IGDCC4: variants seen among roughly 807,000 people sequenced by gnomAD.
IGDCC4 encodes the protein immunoglobulin superfamily DCC subclass member 4.
IGDCC4 carries 72 observed loss-of-function variants against 116.6 expected under a neutral mutation model. That is an observed-to-expected ratio of 0.62 (90% CI 0.51 to 0.75). The LOEUF (loss-of-function observed/expected upper bound fraction) is 0.75, where lower values mean the gene tolerates loss of function less well. Ranked by LOEUF, IGDCC4 falls within the 30% of genes least tolerant of loss-of-function variation. IGDCC4 has a pLI of 0.00. For synonymous variants in IGDCC4, 709 were observed against 719.9 expected (o/e 0.98, Z 0.24); for missense variants, 1,501 against 1,662.4 (o/e 0.90, Z 1.69).
chr15:65,395,176 A>T lies in IGDCC4; in HGVS notation c.1494T>A (p.Asp498Glu). 1 of 1,613,908 alleles carries T rather than the reference A, an allele frequency of 6.2e-7. No individual in the cohort carries two copies. Among genetic ancestry groups the T allele is most frequent in the Non-Finnish European group, 8.5e-7 (1 of 1,179,910 alleles). Reference sequence around the variant, plus strand: ...AGTAGGCCACCACGTAGAACTCATAATCTGTGTTGGGTTCCAGGTCCCGAA... The same window carrying T: ...AGTAGGCCACCACGTAGAACTCATATTCTGTGTTGGGTTCCAGGTCCCGAA... ...LQVRDLEPNT[D>E]YEFYVVAYSQ... The change falls in exon 8 of 20, where the codon GAT (aspartate) becomes GAA (glutamate). Residue 498 changes from aspartate (D) to glutamate (E), a missense_variant. This residue lies in a region of IGDCC4 where 898 missense variants were observed against 978.9 expected (regional missense o/e 0.92). Coordinates refer to ENST00000352385, the MANE Select transcript of IGDCC4 (RefSeq NM_020962.3).
chr15:65,384,867 A>G lies in IGDCC4; in HGVS notation c.3342+87T>C. The G allele has an allele frequency of 1.3e-6, 2 of 1,490,400 alleles. No individual in the cohort carries two copies. The highest frequency in any genetic ancestry group is 1.8e-4 in the Middle Eastern group (1 of 5,600). 92.3% of individuals were successfully genotyped at this position (1,490,400 alleles called of 1,614,324 possible). A position where few individuals can be genotyped will look rare whatever the true frequency, so the allele number is the denominator to read the frequency against. ...TCTATCCCCAGGAAAGTTACCACCC[A>G]GGGGTCTCCAGAGAACTCATTACTT... is the stretch of plus-strand genomic sequence containing the variant. On this transcript the variant is annotated intron_variant, in intron 19 of 19. Coordinates refer to ENST00000352385, the MANE Select transcript of IGDCC4 (RefSeq NM_020962.3). This position sits in a 1 kb window ranked among gnomAD's most constrained non-coding sequence, Gnocchi z 4.9.
At chr15:65,405,140 G>GGGA (rs59427953) in intron 3 of IGDCC4, among the ~76,000 whole-genome samples, 59 of 131,928 alleles carry the variant, frequency 4.5e-4, no homozygotes, top group African/African-American at 1.5e-3. Context: ...GGGGGGGGGG[G>GGGA]AGTAAAAAAA....
rs868064523 is a variant in IGDCC4, at chr15:65,384,068, G to C, written c.3694C>G (p.Pro1232Ala). 3 of 1,613,286 alleles carry C rather than the reference G, an allele frequency of 1.9e-6. No individual in the cohort carries two copies. Among genetic ancestry groups the C allele is most frequent in the Non-Finnish European group, 2.5e-6 (3 of 1,179,562 alleles). ...TPGDSCQLKS[P>A]CPLGASPGLP... ...CCTGGGCTGGCTCCTAGAGGGCAGG[G>C]GGATTTGAGCTGGCAGCTATCTCCA... The change falls in exon 20 of 20, where the codon CCC becomes GCC. Residue 1232 changes from proline (P) to alanine (A), a missense_variant. Coordinates refer to ENST00000352385, the MANE Select transcript of IGDCC4 (RefSeq NM_020962.3). This position sits in a 1 kb window ranked among gnomAD's most constrained non-coding sequence, Gnocchi z 4.9.
chr15:65,396,021 G>T lies in IGDCC4; in HGVS notation c.1140C>A (p.Arg380=), dbSNP rs755046455. 23 of 1,495,786 alleles carry T rather than the reference G, an allele frequency of 1.5e-5. No homozygotes were observed. In the South Asian group the frequency reaches 2.6e-4, roughly 17 times the overall value. The allele number at this position is 1,495,786 out of a possible 1,614,324, so 92.7% of individuals were successfully genotyped here. Residue 380 remains arginine, a synonymous_variant, in exon 7 of 20, where the codon CGC becomes CGA. Transcript: ENST00000352385. Reference sequence around the variant, plus strand: ...TGCCACCGCCGCCCTGGACCTTGACGCGCCCGTTGGGCCGCAGCGGCGCCC... The same window carrying T: ...TGCCACCGCCGCCCTGGACCTTGACTCGCCCGTTGGGCCGCAGCGGCGCCC... ...HNGAPLRPNG[R]VKVQGGGGSL... is the part of the protein sequence containing the mutation.
intron 1 of IGDCC4, among the ~76,000 whole-genome samples, chr15:65,411,879 G>A (rs143670316): frequency 2.0e-5 from 3 of 152,316 alleles, no homozygotes; most frequent in African/African-American, 4.8e-5. Flanking sequence ...TCTTTTGGGG[G>A]TGATGAAAAT....
intron 18 of IGDCC4, 62 bp from the exon 19 acceptor site, chr15:65,385,177 C>A: frequency 6.7e-7 from 1 of 1,494,472 alleles, no homozygotes; most frequent in Non-Finnish European, 8.8e-7. Flanking sequence ...GAGAGGGAAG[C>A]CCGGGGGAGG....
intron 3 of IGDCC4, among the ~76,000 whole-genome samples, chr15:65,407,265 C>T (rs1230455178): frequency 6.8e-6 from 1 of 148,048 alleles, no homozygotes; most frequent in African/African-American, 2.5e-5. Flanking sequence ...ATTAAAATTG[C>T]AACATAATCC....
intron 5 of IGDCC4, among the ~76,000 whole-genome samples, chr15:65,398,305 G>T (rs1299544050): frequency 6.6e-6 from 1 of 151,946 alleles, no homozygotes; most frequent in Non-Finnish European, 1.5e-5. Flanking sequence ...AGGCCAAGGC[G>T]GGTGGATCAC....
At chr15:65,392,690 G>A (rs923957342) in intron 10 of IGDCC4, among the ~76,000 whole-genome samples, 5 of 152,098 alleles carry the variant, frequency 3.3e-5, no homozygotes, top group African/African-American at 7.2e-5. Context: ...GCACAGAATC[G>A]GCCTCTGTGA....
In IGDCC4 at chr15:65,384,412, C is replaced by T. The variant is rs375347681; in HGVS notation, c.3350G>A (p.Gly1117Glu). 4 of 1,512,874 alleles carry T rather than the reference C, an allele frequency of 2.6e-6. No individual in the cohort carries two copies. The highest frequency in any genetic ancestry group is 4.4e-5 in the Admixed American group (2 of 45,930). 93.7% of individuals were successfully genotyped at this position (1,512,874 alleles called of 1,614,324 possible). A position where few individuals can be genotyped will look rare whatever the true frequency, so the allele number is the denominator to read the frequency against. ...ALVYDAIKGN[G>E]RKKSPPACRN... ...GCAGGCTGGGGGTGACTTCTTCCTC[C>T]CATTGCCCTGATCAGAGCAGAGAAC... Residue 1117 changes from glycine (G) to glutamate (E), a missense_variant, in exon 20 of 20, where the codon GGG (glycine) becomes GAG (glutamate). Gly to Glu is a moderately conservative substitution (Grantham distance 98). Around this residue, in one of 3 missense-constraint regions of IGDCC4, gnomAD observed 368 missense variants for 355.6 expected, o/e 1.03. Transcript: ENST00000352385. This position sits in a 1 kb window ranked among gnomAD's most constrained non-coding sequence, Gnocchi z 4.9.
chr15:65,391,885 G>A lies in IGDCC4; in HGVS notation c.2219C>T (p.Ala740Val), dbSNP rs772705367. ...TCTTCCCCCACCGCCCTCACCTGGT[G>A]CCGGCGCCTTCTCCGTCTTGCCCTT... ...VWKGKTEKAP[A>V]PDMPIQRGPP... The change falls in exon 12 of 20, where the codon GCA becomes GTA. Residue 740 changes from alanine to valine, a missense_variant. Physicochemically the swap from Ala to Val is moderately conservative, Grantham distance 64. Coordinates refer to ENST00000352385, the MANE Select transcript of IGDCC4 (RefSeq NM_020962.3). The A allele has an allele frequency of 5.6e-6, 9 of 1,613,278 alleles. No individual in the cohort carries two copies. Among genetic ancestry groups the A allele is most frequent in the Non-Finnish European group, 7.6e-6 (9 of 1,179,864 alleles).
chr15:65,389,908 C>T (rs1047930800), intron 13 of IGDCC4, among the ~76,000 whole-genome samples: 5 of 152,128 alleles, frequency 3.3e-5, no homozygotes, highest in Non-Finnish European at 7.4e-5. Context: ...TCACATTCTC[C>T]GGAGTTTGAG....
chr15:65,387,875 C>T (rs184614344), intron 16 of IGDCC4, among the ~76,000 whole-genome samples: 2 of 152,180 alleles, frequency 1.3e-5, no homozygotes, highest in African/African-American at 2.4e-5. Flanking sequence ...TTTGGGAGGA[C>T]GAGGTGGGTG....
At chr15:65,419,493 T>C (rs2063171553) in intron 1 of IGDCC4, among the ~76,000 whole-genome samples, 1 of 152,184 alleles carries the variant, frequency 6.6e-6, no homozygotes, top group Non-Finnish European at 1.5e-5. Flanking sequence ...AATTGAGTCA[T>C]GAAAGCACAT....
chr15:65,411,024 A>G lies in IGDCC4; in HGVS notation c.417T>C (p.Leu139=). ...CCGCCCGATGCAAGCACTTACTGGC[A>G]AGCTTGACGACAGCAGTCTGGCTGG... is the stretch of plus-strand genomic sequence containing the variant. ...VLASQTAVVK[L]ATLADFSLHP... The change falls in exon 2 of 20, where the codon CTT becomes CTC. Residue 139 remains leucine (L), a synonymous_variant. Transcript: ENST00000352385. The G allele has an allele frequency of 6.2e-7, 1 of 1,605,010 alleles. No homozygotes were observed. The highest frequency in any genetic ancestry group is 1.7e-5 in the Admixed American group (1 of 59,606).
At chr15:65,388,325 C>T in intron 16 of IGDCC4, 124 bp downstream of exon 16, 1 of 1,298,848 alleles carries the variant, frequency 7.7e-7, no homozygotes, top group Non-Finnish European at 1.1e-6. Context: ...ATTTCCCCTT[C>T]ACATTTGCTC....
chr15:65,385,628 C>A (rs2091447795), intron 18 of IGDCC4: 1 of 644,850 alleles, frequency 1.6e-6, no homozygotes, highest in Non-Finnish European at 2.8e-6. Context: ...TCGTGAGAAC[C>A]AAGCTGACCT....
At chr15:65,404,472 C>T (rs1024906372) in intron 3 of IGDCC4, among the ~76,000 whole-genome samples, 4 of 152,110 alleles carry the variant, frequency 2.6e-5, no homozygotes, top group Admixed American at 2.0e-4. Context: ...CACCCCCATC[C>T]ATCTAACGTG....
intron 5 of IGDCC4, among the ~76,000 whole-genome samples, chr15:65,399,485 C>G (rs549186780): frequency 3.4e-4 from 50 of 148,636 alleles, no homozygotes; most frequent in African/African-American, 1.0e-3. Context: ...TCCTGGAACA[C>G]GACTCTCCGG....
Sources: gnomAD v4.1 joint callset for allele counts (sites outside exome capture counted in the v4.1 genomes callset) on GRCh38, gnomAD v4.1.1 for gene constraint, gnomAD v4.1.1 regional missense constraint, Gnocchi (gnomAD v3.1) non-coding constraint, MANE v1.5 for transcripts, NCBI Gene and HGNC (gene_info 2026-07-23, HGNC 2026-07-21) for gene names.